CDKAL1: variants seen among roughly 807,000 people sequenced by gnomAD.
The protein encoded by CDKAL1 is threonylcarbamoyladenosine tRNA methylthiotransferase.
Under a neutral mutation model 68.2 loss-of-function variants are expected in CDKAL1, and 32 were observed. The ratio of observed to expected loss-of-function variants is 0.47; its 90% CI spans 0.35 to 0.63. CDKAL1 has a LOEUF of 0.63. Ranked by LOEUF, CDKAL1 falls within the 30% of genes least tolerant of loss-of-function variation. The pLI, the probability that CDKAL1 is intolerant of heterozygous loss-of-function variation, is 0.00. For missense variants in CDKAL1, 606 were observed against 696.7 expected, an observed-to-expected ratio of 0.87 and a Z score of 1.47; for synonymous variants, 234 against 244.3, an observed-to-expected ratio of 0.96 and a Z score of 0.39.
chr6:20,761,685 T>C (rs1561754985), intron 7 of CDKAL1, among the ~76,000 whole-genome samples: 1 of 152,206 alleles, frequency 6.6e-6, no homozygotes, highest in East Asian at 1.9e-4. Context: ...ACATACTCTA[T>C]GAGTCCAACT....
chr6:20,603,768 A>AT (rs745786047), intron 4 of CDKAL1, among the ~76,000 whole-genome samples: 17,985 of 83,966 alleles, frequency 0.21, 4,163 homozygotes, highest in Non-Finnish European at 0.28. Context: ...CAGTTGCTAA[A>AT]TTTTTTTTTT....
At chr6:21,102,973 G>T (rs890130003) in intron 12 of CDKAL1, among the ~76,000 whole-genome samples, 1 of 152,180 alleles carries the variant, frequency 6.6e-6, no homozygotes, top group Non-Finnish European at 1.5e-5. Flanking sequence ...TTCTTACCAC[G>T]AAGTATGATG....
intron 9 of CDKAL1, among the ~76,000 whole-genome samples, chr6:20,925,638 G>A (rs184656643): frequency 5.9e-5 from 9 of 152,178 alleles, no homozygotes; most frequent in African/African-American, 2.2e-4. Context: ...TTCCTTAGTA[G>A]TGCATTTTTT....
intron 12 of CDKAL1, among the ~76,000 whole-genome samples, chr6:21,089,793 G>C (rs1562021995): frequency 6.6e-6 from 1 of 152,238 alleles, no homozygotes; most frequent in South Asian, 2.1e-4. Flanking sequence ...ATCATGGCAA[G>C]CTTTATAAGC....
chr6:20,739,935 A>G (rs952737246), intron 6 of CDKAL1, among the ~76,000 whole-genome samples: 2 of 151,980 alleles, frequency 1.3e-5, no homozygotes, highest in Non-Finnish European at 2.9e-5. Flanking sequence ...TTTCCACCTC[A>G]CTCAGCTACT....
intron 4 of CDKAL1, among the ~76,000 whole-genome samples, chr6:20,549,366 G>A (rs1389750468): frequency 6.6e-6 from 1 of 152,102 alleles, no homozygotes; most frequent in East Asian, 1.9e-4. Context: ...GGGTCATGAT[G>A]TCAGTGTGTC....
At chr6:20,869,953 C>T (rs532074227) in intron 9 of CDKAL1, among the ~76,000 whole-genome samples, 5 of 152,168 alleles carry the variant, frequency 3.3e-5, no homozygotes, top group African/African-American at 1.2e-4. Context: ...AGTGATTTCA[C>T]GATTTCTTTA....
chr6:20,674,444 T>C (rs1275352612), intron 5 of CDKAL1, among the ~76,000 whole-genome samples: 1 of 152,240 alleles, frequency 6.6e-6, no homozygotes, highest in African/African-American at 2.4e-5. Context: ...AGTTTTTTCT[T>C]TTTAAAAAAT....
intron 13 of CDKAL1, among the ~76,000 whole-genome samples, chr6:21,129,682 C>CAAAAAAAAAAAAA (rs34802727): frequency 4.3e-5 from 3 of 68,988 alleles, no homozygotes; most frequent in African/African-American, 5.6e-5. Context: ...TGCAGTTTAC[C>CAAAAAAAAAAAAA]AAAAAAAAAA....
chr6:20,966,120 G>T (rs1277099255), intron 10 of CDKAL1, among the ~76,000 whole-genome samples: 1 of 152,150 alleles, frequency 6.6e-6, no homozygotes, highest in Non-Finnish European at 1.5e-5. Context: ...GAAGTTAATG[G>T]TTCATAGAAT....
intron 9 of CDKAL1, among the ~76,000 whole-genome samples, chr6:20,847,065 A>G (rs545962111): frequency 6.6e-5 from 10 of 152,290 alleles, no homozygotes; most frequent in East Asian, 3.9e-4. Context: ...TTTAGTCTGT[A>G]GAAAACTTTT....
At chr6:21,135,398 A>G (rs1775541238) in intron 13 of CDKAL1, among the ~76,000 whole-genome samples, 1 of 152,128 alleles carries the variant, frequency 6.6e-6, no homozygotes, top group African/African-American at 2.4e-5. Flanking sequence ...TTATTGATTA[A>G]ACTTTCCTGG....
chr6:20,853,406 A>T (rs374827901), intron 9 of CDKAL1, among the ~76,000 whole-genome samples: 1 of 131,090 alleles, frequency 7.6e-6, no homozygotes, highest in South Asian at 2.5e-4. Flanking sequence ...AAAAAACAAA[A>T]AAAAAAACCC....
At chr6:20,854,673 T>C (rs575082244) in intron 9 of CDKAL1, among the ~76,000 whole-genome samples, 13 of 152,352 alleles carry the variant, frequency 8.5e-5, no homozygotes, top group African/African-American at 3.1e-4. Context: ...AGAGTATGTA[T>C]AGTCCAACGC....
rs183716473 is a variant in CDKAL1, at chr6:20,540,471, T to G, written c.-6+5077T>G. ...TTTCGACTTTGACTTTTTTTTTTTT[T>G]GGGATGGTGCTTCGCCCTTTGTCGC... is the stretch of plus-strand genomic sequence containing the variant. On this transcript the variant is annotated intron_variant, in intron 2 of 15. Coordinates refer to ENST00000274695, the MANE Select transcript of CDKAL1 (RefSeq NM_017774.3). Among the ~76,000 whole-genome samples the G allele has an allele frequency of 4.0e-3, 612 of 151,558 alleles. 3 individuals carry two copies. Among genetic ancestry groups the G allele is most frequent in the African/African-American group, 0.014 (563 of 41,268 alleles).
At chr6:21,185,033 C>G (rs1287158510) in intron 13 of CDKAL1, among the ~76,000 whole-genome samples, 1 of 151,918 alleles carries the variant, frequency 6.6e-6, no homozygotes, top group Non-Finnish European at 1.5e-5. Flanking sequence ...GTTTGAAAAT[C>G]CAGACATACT....
intron 5 of CDKAL1, among the ~76,000 whole-genome samples, chr6:20,652,166 A>G (rs1768800923): frequency 1.3e-5 from 2 of 152,084 alleles, no homozygotes; most frequent in Non-Finnish European, 2.9e-5. Flanking sequence ...CCTTAAGAGT[A>G]ATACTTTAAT....
chr6:21,109,836 C>T (rs756380126), intron 13 of CDKAL1, among the ~76,000 whole-genome samples: 1 of 152,092 alleles, frequency 6.6e-6, no homozygotes, highest in Non-Finnish European at 1.5e-5. Flanking sequence ...ACAAAAAAGG[C>T]GATGGCAAAT....
intron 5 of CDKAL1, among the ~76,000 whole-genome samples, chr6:20,687,433 T>G (rs1366401644): frequency 6.6e-6 from 1 of 152,228 alleles, no homozygotes; most frequent in East Asian, 1.9e-4. Context: ...TCATTTCATC[T>G]GGGTTATGAA....
Sources: allele counts gnomAD v4.1 joint callset (sites outside exome capture counted in the v4.1 genomes callset), GRCh38; gene constraint gnomAD v4.1.1; transcripts MANE v1.5; gene names NCBI Gene and HGNC (gene_info 2026-07-23, HGNC 2026-07-21).